Variants in GRAMD2A observed in about 807,000 individuals in gnomAD.
GRAMD2A encodes GRAM domain-containing protein 2A.
A neutral mutation model predicts 51.1 loss-of-function variants in GRAMD2A; 37 were observed. That is an observed-to-expected ratio of 0.72 (90% CI 0.56 to 0.95). The LOEUF (loss-of-function observed/expected upper bound fraction) is 0.95. Ranked by LOEUF, GRAMD2A falls within the 40% of genes least tolerant of loss-of-function variation. GRAMD2A has a pLI of 0.00. For synonymous variants in GRAMD2A, 136 were observed against 157.1 expected (o/e 0.87, Z 1.01); for missense variants, 414 against 426.9 (o/e 0.97, Z 0.27).
chr15:72,169,680 A>T, intron 2 of GRAMD2A, 167 bp downstream of exon 2: 1 of 693,612 alleles, frequency 1.4e-6, no homozygotes, highest in South Asian at 1.5e-5. Context: ...GCACTGGGAC[A>T]GTCTTGAGGG....
At chr15:72,193,513 C>T (rs1432912180) in intron 1 of GRAMD2A, among the ~76,000 whole-genome samples, 4 of 147,656 alleles carry the variant, frequency 2.7e-5, no homozygotes, top group African/African-American at 7.5e-5. Context: ...CCACCACACC[C>T]GGCTTGTGCA....
At position 72,166,700 on chromosome 15, in the gene GRAMD2A, T is replaced by A; in HGVS notation, c.475A>T (p.Ile159Phe). The change falls in exon 7 of 12, where the codon ATC (isoleucine) becomes TTC (phenylalanine). Residue 159 changes from isoleucine (I) to phenylalanine (F), a missense_variant. Ile to Phe is a conservative substitution (Grantham distance 21). Transcript: ENST00000309731. The surrounding 1 kb of genome is among the most constrained non-coding windows in gnomAD (Gnocchi z 4.1). ...AITTNTSQKY[I>F]FVSLLSRDSV... ...TCCCGGGAGAGCAGTGACACAAAGATATACTGGGACATGGAAAGAAAACAG... is the reference window on the plus strand; with the variant it reads ...TCCCGGGAGAGCAGTGACACAAAGAAATACTGGGACATGGAAAGAAAACAG... 6.2e-7 allele frequency: 1 copy of A among 1,612,748 alleles called. No individual in the cohort carries two copies. Among genetic ancestry groups the A allele is most frequent in the African/African-American group, 1.3e-5 (1 of 74,990 alleles).
intron 5 of GRAMD2A, 88 bp downstream of exon 5, chr15:72,167,648 G>T: frequency 9.9e-7 from 1 of 1,010,792 alleles, no homozygotes; most frequent in South Asian, 1.3e-5. Context: ...AGCACGCAGA[G>T]AGATAGGCAT....
intron 1 of GRAMD2A, among the ~76,000 whole-genome samples, chr15:72,178,825 C>T (rs1343977635): frequency 2.0e-5 from 3 of 152,048 alleles, no homozygotes; most frequent in African/African-American, 7.2e-5. Flanking sequence ...CCGCCCGCCT[C>T]GGCCTCCCAA....
At chr15:72,167,688 G>C (rs747446816) in intron 5 of GRAMD2A, 48 bp downstream of exon 5, 5 of 1,408,786 alleles carry the variant, frequency 3.5e-6, no homozygotes, top group East Asian at 4.6e-5. Flanking sequence ...GGGGCAGGAG[G>C]CTGGCTCCCC....
chr15:72,179,442 A>G (rs531136899), intron 1 of GRAMD2A, among the ~76,000 whole-genome samples: 13 of 152,326 alleles, frequency 8.5e-5, no homozygotes, highest in East Asian at 5.8e-4. Context: ...CTGCAGCTAC[A>G]CTAGAGCTGA....
chr15:72,168,041 C>A (rs1449742177), intron 4 of GRAMD2A, among the ~76,000 whole-genome samples: 1 of 152,204 alleles, frequency 6.6e-6, no homozygotes, highest in East Asian at 1.9e-4. Flanking sequence ...CTCCTCCACT[C>A]CACCAGCCTG....
At position 72,163,453 on chromosome 15, in the gene GRAMD2A, A is replaced by G; in HGVS notation, c.769T>C (p.Ser257Pro). ...CATGCCCACCTCCCACCATTTTCTGAAGCTACTTGGGCTCTTGACTTTTCT... is the reference window on the plus strand; with the variant it reads ...CATGCCCACCTCCCACCATTTTCTGGAGCTACTTGGGCTCTTGACTTTTCT... The part of the protein sequence containing the change: ...MSEKSRAQVA[S>P]ENGGRWAWPM... Residue 257 changes from serine to proline, a missense_variant, in exon 10 of 12, where the codon TCA (serine) becomes CCA (proline). Transcript: ENST00000309731. 1 of 1,614,084 alleles carries G rather than the reference A, an allele frequency of 6.2e-7. No individual in the cohort carries two copies. Among genetic ancestry groups the G allele is most frequent in the Non-Finnish European group, 8.5e-7 (1 of 1,179,964 alleles).
chr15:72,169,365 G>A (rs961065293), intron 2 of GRAMD2A: 1 of 461,374 alleles, frequency 2.2e-6, no homozygotes, highest in Non-Finnish European at 4.1e-6. Flanking sequence ...AGCAGGCAGT[G>A]CTGGAATAGG....
chr15:72,195,161 A>G (rs1484303628), intron 1 of GRAMD2A, among the ~76,000 whole-genome samples: 1 of 152,232 alleles, frequency 6.6e-6, no homozygotes, highest in Non-Finnish European at 1.5e-5. Context: ...ATGAGTGTAG[A>G]CAAACTTCCC....
In GRAMD2A at chr15:72,165,873, T is replaced by G. The variant is rs192079358; in HGVS notation, c.544-463A>C. On this transcript the variant is annotated intron_variant, in intron 7 of 11. Transcript: ENST00000309731. The stretch of plus-strand genomic sequence containing the variant: ...GTTTTCGTTTTTTGTTTTTTGTTTT[T>G]TTTTGTTTTTTTGAGATGGAGTCTT... Among the ~76,000 whole-genome samples, 614 of 151,408 alleles carry G rather than the reference T, an allele frequency of 4.1e-3. 5 individuals are homozygous for G. Among genetic ancestry groups the G allele is most frequent in the African/African-American group, 0.014 (577 of 41,220 alleles).
chr15:72,162,412 T>G, intron 10 of GRAMD2A, 35 bp from the exon 11 acceptor site: 1 of 1,482,874 alleles, frequency 6.7e-7, no homozygotes, highest in Non-Finnish European at 9.4e-7. Flanking sequence ...TAAATATTTC[T>G]TCCACAGAAA....
In GRAMD2A at chr15:72,165,392, G is replaced by T; in HGVS notation, c.562C>A (p.Leu188Met). The T allele has an allele frequency of 6.2e-7, 1 of 1,614,076 alleles. No individual in the cohort carries two copies. The highest frequency in any genetic ancestry group is 8.5e-7 in the Non-Finnish European group (1 of 1,180,004). ...THLQPSSKKS[L>M]SVREFSGEPE... Reference sequence around the variant, plus strand: ...TCCCCTGAAAATTCTCTTACACTCAGACTCTTCTTGCTGGAAGGCTGAGGA... The same window carrying T: ...TCCCCTGAAAATTCTCTTACACTCATACTCTTCTTGCTGGAAGGCTGAGGA... The change falls in exon 8 of 12, where the codon CTG becomes ATG. Residue 188 changes from leucine to methionine, a missense_variant. Physicochemically the swap from Leu to Met is conservative, Grantham distance 15. Transcript: ENST00000309731.
chr15:72,184,297 G>A (rs982777799), intron 1 of GRAMD2A, among the ~76,000 whole-genome samples: 2 of 152,242 alleles, frequency 1.3e-5, no homozygotes, highest in East Asian at 1.9e-4. Flanking sequence ...TGAGGCAGCC[G>A]CACCCAGCAT....
rs973521653 is a variant in GRAMD2A at position 72,161,005 on chromosome 15, C to T, written c.*1004G>A. ...TGGGGGTGACACAAGTGACCTCTGC[C>T]CTGTGATGGCTCAACACCATCACAC... On this transcript the variant is annotated 3_prime_UTR_variant, in exon 12 of 12. Transcript: ENST00000309731. 2.0e-5 allele frequency: 3 copies of T among 152,252 alleles called. No individual in the cohort carries two copies. The highest frequency in any genetic ancestry group is 7.2e-5 in the African/African-American group (3 of 41,446). 9.4% of individuals were successfully genotyped at this position (152,252 alleles called of 1,614,324 possible).
intron 8 of GRAMD2A, among the ~76,000 whole-genome samples, chr15:72,164,577 TGTATTTTTATTGAGACAGG>T (rs2081519732): frequency 6.6e-6 from 1 of 152,082 alleles, no homozygotes; most frequent in African/African-American, 2.4e-5. Flanking sequence ...TGCTAATTTT[TGTATTTTTATTGAGACAGG>T]GTCTCACTAT....
Position 72,166,772 on chromosome 15 carries a change from C to T in GRAMD2A, c.472-69G>A, listed in dbSNP as rs565109839. The T allele has an allele frequency of 4.0e-4, 558 of 1,395,506 alleles. No individual in the cohort carries two copies. Among genetic ancestry groups the T allele is most frequent in the Non-Finnish European group, 5.4e-4 (529 of 987,814 alleles). The allele number at this position is 1,395,506 out of a possible 1,614,324, so 86.4% of individuals were successfully genotyped here. On this transcript the variant is annotated intron_variant, in intron 6 of 11. Transcript: ENST00000309731. This position sits in a 1 kb window ranked among gnomAD's most constrained non-coding sequence, Gnocchi z 4.1. Reference sequence around the variant, plus strand: ...ACTCCTTGCTGTGCCAGCCAGCCCCCTTGTGGATTGGGCACAGGCCCACAG... The same window carrying T: ...ACTCCTTGCTGTGCCAGCCAGCCCCTTTGTGGATTGGGCACAGGCCCACAG...
chr15:72,163,670 G>T lies in GRAMD2A; in HGVS notation c.688C>A (p.Pro230Thr), dbSNP rs201775681. The T allele has an allele frequency of 6.2e-7, 1 of 1,609,092 alleles. No individual in the cohort carries two copies. The highest frequency in any genetic ancestry group is 1.1e-5 in the South Asian group (1 of 89,854). ...SLPDNIPCIP[P>T]SSVDSTDSFF... is the part of the protein sequence containing the mutation. ...CTGTCTGTGGAGTCCACGGATGATGGAGGGATACAAGGGATGTTGTCTGGG... is the reference window on the plus strand; with the variant it reads ...CTGTCTGTGGAGTCCACGGATGATGTAGGGATACAAGGGATGTTGTCTGGG... The change falls in exon 9 of 12, where the codon CCA becomes ACA. Residue 230 changes from proline to threonine, a missense_variant. By Grantham distance (38) the Pro-to-Thr change is conservative (BLOSUM62 -1). Coordinates refer to ENST00000309731, the MANE Select transcript of GRAMD2A (RefSeq NM_001012642.3).
At chr15:72,180,204 T>C (rs1273373702) in intron 1 of GRAMD2A, among the ~76,000 whole-genome samples, 1 of 152,144 alleles carries the variant, frequency 6.6e-6, no homozygotes, top group Admixed American at 6.5e-5. Context: ...CTACAAAGCA[T>C]AGGCCAAATC....
Sources: allele counts gnomAD v4.1 joint callset (sites outside exome capture counted in the v4.1 genomes callset), GRCh38; gene constraint gnomAD v4.1.1; non-coding constraint Gnocchi (gnomAD v3.1); transcripts MANE v1.5; gene names NCBI Gene and HGNC (gene_info 2026-07-23, HGNC 2026-07-21).